The following MYT1 variants were observed in gnomAD, a reference collection of about 807,000 sequenced individuals.
The protein encoded by MYT1 is myelin transcription factor I.
A neutral mutation model predicts 123.0 loss-of-function variants in MYT1; 23 were observed. The observed-to-expected ratio is 0.19, with a 90% CI of 0.13 to 0.26. MYT1 has a LOEUF of 0.26. MYT1 is among the 10% of genes least tolerant of loss of function. MYT1 has a pLI of 1.00. For synonymous variants in MYT1, 518 were observed against 575.3 expected, an observed-to-expected ratio of 0.90 and a Z score of 1.43; for missense variants, 1,125 against 1,472.5, an observed-to-expected ratio of 0.76 and a Z score of 3.86.
rs1983574764 is a variant in MYT1, at chr20:64,208,670, T to C, written c.1291+183T>C. Reference sequence around the variant, plus strand: ...TGAGCAAATGGGTTCCCACACTGCTTTACATAGAGCGATCTGGAGCGAGAC... The same window carrying C: ...TGAGCAAATGGGTTCCCACACTGCTCTACATAGAGCGATCTGGAGCGAGAC... On this transcript the variant is annotated intron_variant, in intron 7 of 22. Coordinates refer to ENST00000328439, the MANE Select transcript of MYT1 (RefSeq NM_004535.3). This position sits in a 1 kb window ranked among gnomAD's most constrained non-coding sequence, Gnocchi z 5.4. Among the ~76,000 whole-genome samples the C allele has an allele frequency of 6.6e-6, 1 of 151,730 alleles. No individual in the cohort carries two copies. Among genetic ancestry groups the C allele is most frequent in the Non-Finnish European group, 1.5e-5 (1 of 67,892 alleles).
intron 2 of MYT1, among the ~76,000 whole-genome samples, chr20:64,198,203 C>T (rs1278327807): frequency 6.3e-5 from 9 of 142,270 alleles, no homozygotes; most frequent in South Asian, 2.3e-4. Context: ...AGGAGAATGG[C>T]GTGAACCCGG....
chr20:64,240,024 C>G, intron 22 of MYT1, 121 bp downstream of exon 22: 1 of 1,428,756 alleles, frequency 7.0e-7, no homozygotes, highest in Non-Finnish European at 9.5e-7. Context: ...GCCCTGTGCC[C>G]TTGTGGAGAT....
At chr20:64,201,341 C>A (rs560306428) in intron 4 of MYT1, among the ~76,000 whole-genome samples, 149 of 152,292 alleles carry the variant, frequency 9.8e-4, no homozygotes, top group South Asian at 2.3e-3. Context: ...TCATCATGAG[C>A]CTTGTGGTCT....
Position 64,210,613 on chromosome 20 carries a change from G to A in MYT1, c.1292-593G>A, listed in dbSNP as rs538999860. Among the ~76,000 whole-genome samples, 7 of 152,326 alleles carry A rather than the reference G, an allele frequency of 4.6e-5. No homozygotes were observed. The South Asian group carries it at 6.2e-4, about 14-fold the overall frequency. On this transcript the variant is annotated intron_variant, in intron 7 of 22. Transcript: ENST00000328439. ...CACCCTCCCAAAGGGGACAGCTCTCGTCCAAAGGTGTTTCACTGAGATGTC... is the reference window on the plus strand; with the variant it reads ...CACCCTCCCAAAGGGGACAGCTCTCATCCAAAGGTGTTTCACTGAGATGTC...
intron 2 of MYT1, among the ~76,000 whole-genome samples, chr20:64,195,456 T>C (rs371807590): frequency 2.8e-5 from 4 of 142,842 alleles, no homozygotes; most frequent in South Asian, 4.4e-4. Context: ...AGTGCAGTGG[T>C]GCAATCTCAG....
At chr20:64,237,434 A>C (rs1191831086) in intron 21 of MYT1, 44 bp downstream of exon 21, 1 of 1,456,030 alleles carries the variant, frequency 6.9e-7, no homozygotes, top group Non-Finnish European at 9.5e-7. Flanking sequence ...TGCCCACCCA[A>C]CCCAAACATT....
In MYT1 at chr20:64,231,828, C is replaced by T. The variant is rs1052937242; in HGVS notation, c.2676-336C>T. 5.3e-5 allele frequency among the ~76,000 whole-genome samples: 8 copies of T among 152,206 alleles called. No individual in the cohort carries two copies. Among genetic ancestry groups the T allele is most frequent in the Non-Finnish European group, 1.5e-5 (1 of 68,024 alleles). ...ACATTGCTGAGTGACACACAAGTGA[C>T]TCCAGCAGCAAGGCTTGGAGGGAAC... On this transcript the variant is annotated intron_variant, in intron 18 of 22. Transcript: ENST00000328439. This position sits in a 1 kb window ranked among gnomAD's most constrained non-coding sequence, Gnocchi z 6.4.
At chr20:64,183,483 G>A (rs545051059) in intron 1 of MYT1, among the ~76,000 whole-genome samples, 15 of 152,222 alleles carry the variant, frequency 9.9e-5, no homozygotes, top group East Asian at 3.9e-4. Flanking sequence ...TTTTACATTC[G>A]CATCAGCATT....
chr20:64,229,173 TA>T (rs1360895520), intron 18 of MYT1, among the ~76,000 whole-genome samples: 1 of 152,258 alleles, frequency 6.6e-6, no homozygotes, highest in East Asian at 1.9e-4. Flanking sequence ...TAATGAATGC[TA>T]AATTAACAAT....
chr20:64,216,659 G>A (rs972084953), intron 10 of MYT1, among the ~76,000 whole-genome samples: 5 of 152,326 alleles, frequency 3.3e-5, no homozygotes, highest in African/African-American at 1.2e-4. Flanking sequence ...ATGCTGCCTT[G>A]GAGTGTCTTG....
At position 64,217,248 on chromosome 20, in the gene MYT1, C is replaced by G. The variant is rs1983864960; in HGVS notation, c.1813C>G (p.Gln605Glu). 3.1e-6 allele frequency: 5 copies of G among 1,614,146 alleles called. No individual in the cohort carries two copies. Among genetic ancestry groups the G allele is most frequent in the Non-Finnish European group, 4.2e-6 (5 of 1,180,054 alleles). Reference sequence around the variant, plus strand: ...CAAACGCATGCTTGCCCCAAAGATTCAGACCAGCGAAACCTCACCTAAAGC... The same window carrying G: ...CAAACGCATGCTTGCCCCAAAGATTGAGACCAGCGAAACCTCACCTAAAGC... ...FGKRMLAPKI[Q>E]TSETSPKAFQ... The change falls in exon 11 of 23, where the codon CAG (glutamine) becomes GAG (glutamate). Residue 605 changes from glutamine (Q) to glutamate (E), a missense_variant. Physicochemically the swap from Gln to Glu is conservative, Grantham distance 29. Coordinates refer to ENST00000328439, the MANE Select transcript of MYT1 (RefSeq NM_004535.3).
intron 1 of MYT1, among the ~76,000 whole-genome samples, chr20:64,184,823 C>G (rs1312702096): frequency 1.3e-5 from 2 of 152,174 alleles, no homozygotes; most frequent in African/African-American, 4.8e-5. Context: ...ACGTAAGAAG[C>G]AGATATTGTG....
chr20:64,227,840 G>A (rs767775815), intron 17 of MYT1, 48 bp from the exon 18 acceptor site: 150 of 1,487,162 alleles, frequency 1.0e-4, no homozygotes, highest in Non-Finnish European at 1.3e-4. Flanking sequence ...GGTGTGAGAA[G>A]CTGCGGTTCC....
In MYT1 at chr20:64,232,228, G is replaced by T. The variant is rs748649577; in HGVS notation, c.2740G>T (p.Ala914Ser). The change falls in exon 19 of 23, where the codon GCA becomes TCA. Residue 914 changes from alanine (A) to serine (S), a missense_variant. By Grantham distance (99) the Ala-to-Ser change is moderately conservative. Coordinates refer to ENST00000328439, the MANE Select transcript of MYT1 (RefSeq NM_004535.3). The surrounding 1 kb of genome is among the most constrained non-coding windows in gnomAD (Gnocchi z 6.9). ...ISGKYASHRSASGCPLAARRQ... is the reference protein window; with the variant it reads ...ISGKYASHRSSSGCPLAARRQ... ...CGGGAAATACGCCTCTCACAGGAGC[G>T]CATCCGGCTGCCCACTGGCCGCCCG... is the stretch of plus-strand genomic sequence containing the variant. 6.2e-7 allele frequency: 1 copy of T among 1,613,144 alleles called. No individual in the cohort carries two copies. The highest frequency in any genetic ancestry group is 1.1e-5 in the South Asian group (1 of 91,080).
rs1285243962 is a variant in MYT1, at chr20:64,231,022, G to A, written c.2676-1142G>A. On this transcript the variant is annotated intron_variant, in intron 18 of 22. Coordinates refer to ENST00000328439, the MANE Select transcript of MYT1 (RefSeq NM_004535.3). This position sits in a 1 kb window ranked among gnomAD's most constrained non-coding sequence, Gnocchi z 6.4. The stretch of plus-strand genomic sequence containing the variant: ...CCCTGAGCCGCCTCTCACCCCTACG[G>A]CGGGAGCCTCTGCCCCCGCCCCCGC... 1.3e-5 allele frequency among the ~76,000 whole-genome samples: 2 copies of A among 152,104 alleles called. No individual in the cohort carries two copies. The highest frequency in any genetic ancestry group is 2.9e-5 in the Non-Finnish European group (2 of 67,980).
Position 64,237,288 on chromosome 20 carries a change from G to A in MYT1, c.2991G>A (p.Val997=). The A allele has an allele frequency of 3.1e-6, 5 of 1,610,442 alleles. No homozygotes were observed. In the Admixed American group the frequency reaches 5.0e-5, roughly 16 times the overall value. Residue 997 remains valine (V), a splice_region_variant and synonymous_variant, in exon 21 of 23, where the codon GTG becomes GTA. Transcript: ENST00000328439. ...AACTGAGGTTTCTCTCTGGGTCAGT[G>A]TTGGAGAATGATGAGGAGATCAAGC... is the stretch of plus-strand genomic sequence containing the variant. The part of the protein sequence containing the change: ...VLSPKFKTSD[V]LENDEEIKQL...
intron 8 of MYT1, 134 bp from the exon 9 acceptor site, chr20:64,211,914 T>C: frequency 1.4e-6 from 1 of 722,272 alleles, no homozygotes; most frequent in Non-Finnish European, 2.4e-6. Context: ...CGTTGCTGTG[T>C]CCCCCACCTG....
At chr20:64,223,478 C>T in intron 16 of MYT1, 119 bp downstream of exon 16, 1 of 1,162,256 alleles carries the variant, frequency 8.6e-7, no homozygotes, top group Non-Finnish European at 1.3e-6. Context: ...CTGGCCCCAG[C>T]TCTCCTGAGA....
At chr20:64,239,448 A>T (rs1182849840) in intron 21 of MYT1, among the ~76,000 whole-genome samples, 3 of 152,138 alleles carry the variant, frequency 2.0e-5, no homozygotes, top group African/African-American at 7.2e-5. Context: ...TCAGAAAACC[A>T]GGAGTGGGGA....
Sources: allele counts gnomAD v4.1 joint callset (sites outside exome capture counted in the v4.1 genomes callset), GRCh38; gene constraint gnomAD v4.1.1; non-coding constraint Gnocchi (gnomAD v3.1); transcripts MANE v1.5; gene names NCBI Gene and HGNC (gene_info 2026-07-23, HGNC 2026-07-21).